PKHD1: variants seen among roughly 807,000 people sequenced by gnomAD.
The protein encoded by PKHD1 is PKHD1 ciliary IPT domain containing fibrocystin/polyductin, also known as fibrocystin.
In PKHD1, 291 loss-of-function variants were observed where a neutral mutation model predicts 412.0. That is an observed-to-expected ratio of 0.71 (90% confidence interval 0.64 to 0.78). The LOEUF is 0.78. Ranked by LOEUF, PKHD1 falls within the 30% of genes least tolerant of loss-of-function variation. The pLI is 0.00. For missense variants in PKHD1, 4,825 were observed against 4,950.7 expected, an observed-to-expected ratio of 0.97 and a Z score of 0.76; for synonymous variants, 1,777 against 1,821.5, an observed-to-expected ratio of 0.98 and a Z score of 0.62.
At chr6:51,909,080 G>T (rs1198777029) in intron 40 of PKHD1, among the ~76,000 whole-genome samples, 1 of 152,060 alleles carries the variant, frequency 6.6e-6, no homozygotes, top group Non-Finnish European at 1.5e-5. Flanking sequence ...TTGGGGTAAG[G>T]TCTATAACTC....
Position 51,744,390 on chromosome 6 carries a change from T to C in PKHD1, c.10151A>G (p.Asn3384Ser), listed in dbSNP as rs767680287. The C allele has an allele frequency of 1.9e-6, 3 of 1,613,714 alleles. No homozygotes were observed. Among genetic ancestry groups the C allele is most frequent in the Admixed American group, 1.7e-5 (1 of 59,990 alleles). Residue 3384 changes from asparagine to serine, a missense_variant, in exon 60 of 67, where the codon AAC (asparagine) becomes AGC (serine). Asn to Ser is a conservative substitution (Grantham distance 46, BLOSUM62 1). Transcript: ENST00000371117. ...TGCATTCAGATATAGCTTACCTGCG[T>C]TGAAGAAGGATGCAGTCCATTCTGC... ...TEAEWTASFF[N>S]AGTFREEQKC...
Position 51,755,086 on chromosome 6 carries a change from G to C in PKHD1, c.8643-148C>G, listed in dbSNP as rs529686760. On this transcript the variant is annotated intron_variant, in intron 55 of 66. Transcript: ENST00000371117. ...AAATAAGACATGGCAGTGGAAAAAG[G>C]CTTTCGCAAACAGTTTAATTTAGCT... 1.5e-5 allele frequency: 11 copies of C among 755,820 alleles called. 1 individual carries two copies. Among genetic ancestry groups the C allele is most frequent in the African/African-American group, 8.7e-5 (5 of 57,674 alleles). The allele number at this position is 755,820 out of a possible 1,614,324, so 46.8% of individuals were successfully genotyped here.
intron 21 of PKHD1, 105 bp from the exon 22 acceptor site, chr6:52,050,400 C>A: frequency 1.8e-6 from 2 of 1,113,818 alleles, no homozygotes; most frequent in Admixed American, 1.7e-5. Context: ...CAGTACACAC[C>A]TAAAGCATAG....
At chr6:51,847,625 ATCAGACT>A in intron 50 of PKHD1, 143 bp downstream of exon 50, 1 of 706,394 alleles carries the variant, frequency 1.4e-6, no homozygotes, top group East Asian at 2.7e-5. Context: ...AACCCAGGCA[ATCAGACT>A]TCAGGGAACA....
chr6:51,865,715 T>C (rs1774958446), intron 48 of PKHD1, among the ~76,000 whole-genome samples: 1 of 152,218 alleles, frequency 6.6e-6, no homozygotes, highest in South Asian at 2.1e-4. Context: ...ATCATAACTG[T>C]GAGAGCTTTG....
chr6:51,807,957 C>G (rs1348874216), intron 52 of PKHD1, among the ~76,000 whole-genome samples: 1 of 151,750 alleles, frequency 6.6e-6, no homozygotes, highest in Non-Finnish European at 1.5e-5. Context: ...TATGGGGTTT[C>G]TTTGGGGGGT....
intron 58 of PKHD1, among the ~76,000 whole-genome samples, chr6:51,747,400 T>C: frequency 6.6e-6 from 1 of 152,120 alleles, no homozygotes; most frequent in East Asian, 1.9e-4. Context: ...TCTTATGTAA[T>C]CAAGTTAAAT....
intron 60 of PKHD1, among the ~76,000 whole-genome samples, chr6:51,665,020 C>A (rs916311430): frequency 3.9e-5 from 6 of 152,044 alleles, no homozygotes; most frequent in Admixed American, 3.9e-4. Context: ...AAAATATACT[C>A]ATTTTGATTC....
At chr6:51,972,522 T>C (rs1295982028) in intron 35 of PKHD1, among the ~76,000 whole-genome samples, 5 of 152,224 alleles carry the variant, frequency 3.3e-5, no homozygotes, top group Non-Finnish European at 7.3e-5. Flanking sequence ...AACCTAGAAT[T>C]TGAGAAACTT....
chr6:52,045,491 C>T (rs1270832463), intron 24 of PKHD1, among the ~76,000 whole-genome samples: 1 of 152,194 alleles, frequency 6.6e-6, no homozygotes, highest in Non-Finnish European at 1.5e-5. Flanking sequence ...CGATTGAAAA[C>T]CAGATAACCC....
rs1778918308 is a variant in PKHD1 at position 51,697,308 on chromosome 6, T to C, written c.10157-37339A>G. Reference sequence around the variant, plus strand: ...GTAGTGCATGTCATGAAATTTGTGTTAGATTAGCATTTATTTGCAATTACT... The same window carrying C: ...GTAGTGCATGTCATGAAATTTGTGTCAGATTAGCATTTATTTGCAATTACT... On this transcript the variant is annotated intron_variant, in intron 60 of 66. Coordinates refer to ENST00000371117, the MANE Select transcript of PKHD1 (RefSeq NM_138694.4). Among the ~76,000 whole-genome samples, 5 of 152,242 alleles carry C rather than the reference T, an allele frequency of 3.3e-5. No individual in the cohort carries two copies. The South Asian group carries it at 1.0e-3, about 31-fold the overall frequency.
chr6:51,936,712 A>T (rs1273968373), intron 36 of PKHD1, among the ~76,000 whole-genome samples: 1 of 152,208 alleles, frequency 6.6e-6, no homozygotes, highest in Non-Finnish European at 1.5e-5. Context: ...ATGCCTCATT[A>T]TACCCTCCTC....
intron 36 of PKHD1, among the ~76,000 whole-genome samples, chr6:51,952,364 G>A (rs1045625691): frequency 2.6e-5 from 4 of 152,122 alleles, no homozygotes; most frequent in Non-Finnish European, 5.9e-5. Flanking sequence ...CAACAAACAT[G>A]AATCTGCCTC....
At chr6:51,639,296 G>A (rs868425956) in intron 63 of PKHD1, among the ~76,000 whole-genome samples, 2 of 152,042 alleles carry the variant, frequency 1.3e-5, no homozygotes, top group Non-Finnish European at 2.9e-5. Context: ...TGGTACTGGG[G>A]TTACAGCCCA....
chr6:51,943,660 T>A (rs1355055108), intron 36 of PKHD1, among the ~76,000 whole-genome samples: 1 of 151,596 alleles, frequency 6.6e-6, no homozygotes, highest in Non-Finnish European at 1.5e-5. Context: ...TCCTCCCAAT[T>A]CTTAATCCTT....
intron 37 of PKHD1, among the ~76,000 whole-genome samples, chr6:51,923,360 C>T (rs150890264): frequency 6.6e-6 from 1 of 151,872 alleles, no homozygotes; most frequent in Admixed American, 6.5e-5. Flanking sequence ...TGAACTTTGC[C>T]CTTATAGTGC....
chr6:51,667,968 G>T (rs1774140164), intron 60 of PKHD1, among the ~76,000 whole-genome samples: 1 of 152,184 alleles, frequency 6.6e-6, no homozygotes, highest in Non-Finnish European at 1.5e-5. Flanking sequence ...ATAGTTTGAA[G>T]TCAGGTCGCG....
intron 52 of PKHD1, among the ~76,000 whole-genome samples, chr6:51,807,456 A>T (rs1239911054): frequency 0.19 from 8,675 of 46,802 alleles, 681 homozygotes; most frequent in African/African-American, 0.23. Flanking sequence ...AAAAAAAAAA[A>T]AAATATATAT....
intron 61 of PKHD1, among the ~76,000 whole-genome samples, chr6:51,649,839 A>G (rs1325538832): frequency 6.6e-6 from 1 of 152,206 alleles, no homozygotes; most frequent in East Asian, 1.9e-4. Context: ...TTCAATAACT[A>G]TTAATAGCAT....
Sources: allele counts gnomAD v4.1 joint callset (sites outside exome capture counted in the v4.1 genomes callset), GRCh38; gene constraint gnomAD v4.1.1; transcripts MANE v1.5; gene names NCBI Gene and HGNC (gene_info 2026-07-23, HGNC 2026-07-21).